CSMD1: variants seen among roughly 807,000 people sequenced by gnomAD.
CSMD1 encodes CUB and Sushi multiple domains 1, also known as CUB and sushi domain-containing protein 1.
In CSMD1, 213 loss-of-function variants were observed where a neutral mutation model predicts 417.5. The ratio of observed to expected loss-of-function variants is 0.51; its 90% confidence interval spans 0.46 to 0.57. CSMD1 has a LOEUF of 0.57. Ranked by LOEUF, CSMD1 falls within the 20% of genes least tolerant of loss-of-function variation. The pLI is 0.00. For missense variants in CSMD1, 6,923 were observed against 4,529.7 expected (o/e 1.53, Z -15.17); for synonymous variants, 2,862 against 1,736.8 (o/e 1.65, Z -16.11).
chr8:4,252,208 C>G (rs185768808), intron 3 of CSMD1, among the ~76,000 whole-genome samples: 2 of 152,216 alleles, frequency 1.3e-5, no homozygotes, highest in Admixed American at 1.3e-4. Flanking sequence ...TAAAACAAGA[C>G]AAAGGTAAAC....
chr8:4,420,725 C>G (rs952026700), intron 2 of CSMD1, among the ~76,000 whole-genome samples: 1 of 152,100 alleles, frequency 6.6e-6, no homozygotes, highest in African/African-American at 2.4e-5. Flanking sequence ...GTGCAATAGG[C>G]TGTGAGCCGT....
intron 20 of CSMD1, among the ~76,000 whole-genome samples, chr8:3,362,962 A>T (rs561248378): frequency 6.6e-6 from 1 of 152,318 alleles, no homozygotes; most frequent in South Asian, 2.1e-4. Flanking sequence ...AAGCTCTTCA[A>T]ATCCATCCAA....
At chr8:4,263,129 T>C (rs574417697) in intron 3 of CSMD1, among the ~76,000 whole-genome samples, 1 of 152,314 alleles carries the variant, frequency 6.6e-6, no homozygotes, top group South Asian at 2.1e-4. Flanking sequence ...GTGATATCAC[T>C]TATTTTTTCA....
intron 5 of CSMD1, among the ~76,000 whole-genome samples, chr8:3,908,913 C>G (rs989213120): frequency 6.6e-6 from 1 of 152,206 alleles, no homozygotes; most frequent in Admixed American, 6.5e-5. Context: ...ACTCATGCAT[C>G]TATCTTGCTT....
chr8:4,596,753 A>T (rs949030446), intron 2 of CSMD1, among the ~76,000 whole-genome samples: 2 of 152,198 alleles, frequency 1.3e-5, no homozygotes, highest in Non-Finnish European at 2.9e-5. Context: ...TACACACATG[A>T]TATGGATTGG....
chr8:3,444,597 G>C (rs1323700773), intron 12 of CSMD1, among the ~76,000 whole-genome samples: 1 of 152,138 alleles, frequency 6.6e-6, no homozygotes. Flanking sequence ...CAAGGCCAAT[G>C]ATGCTCCTAA....
intron 3 of CSMD1, among the ~76,000 whole-genome samples, chr8:4,035,688 C>G (rs531131741): frequency 1.3e-5 from 2 of 152,126 alleles, no homozygotes; most frequent in South Asian, 4.2e-4. Context: ...CACAACTGTG[C>G]AAGGTTTATG....
intron 4 of CSMD1, among the ~76,000 whole-genome samples, chr8:4,013,231 C>T (rs780244119): frequency 2.6e-5 from 4 of 152,122 alleles, no homozygotes; most frequent in Non-Finnish European, 5.9e-5. Context: ...CCTTTCCCCT[C>T]TCCTATCCTC....
intron 26 of CSMD1, among the ~76,000 whole-genome samples, chr8:3,262,818 G>A (rs142191527): frequency 4.6e-5 from 7 of 152,176 alleles, no homozygotes; most frequent in African/African-American, 1.4e-4. Flanking sequence ...TTAAACATAA[G>A]TAAATGAATT....
At chr8:3,508,139 C>G (rs996276205) in intron 10 of CSMD1, among the ~76,000 whole-genome samples, 2 of 152,142 alleles carry the variant, frequency 1.3e-5, no homozygotes, top group South Asian at 2.1e-4. Flanking sequence ...AAACCAAACA[C>G]CACATGTTCT....
intron 15 of CSMD1, among the ~76,000 whole-genome samples, chr8:3,404,020 G>A (rs555203362): frequency 8.5e-5 from 13 of 152,112 alleles, no homozygotes; most frequent in African/African-American, 1.2e-4. Flanking sequence ...TTTTAACAAT[G>A]TATGAAAAGG....
intron 25 of CSMD1, among the ~76,000 whole-genome samples, chr8:3,300,842 C>G (rs761009123): frequency 4.0e-5 from 6 of 151,038 alleles, no homozygotes; most frequent in Admixed American, 6.6e-5. Context: ...GCATGTAATC[C>G]CAGCTACTCA....
In CSMD1 at chr8:4,713,675, C is replaced by A. The variant is rs562726306; in HGVS notation, c.86-76117G>T. Among the ~76,000 whole-genome samples the A allele has an allele frequency of 2.7e-3, 413 of 152,172 alleles. 3 individuals carry two copies. The highest frequency in any genetic ancestry group is 3.4e-3 in the Non-Finnish European group (234 of 68,012). ...TCTCTTAACAAAACAGAGGTCAGGA[C>A]CCAGAGCTCCAGCTGCTCGCCACTG... On this transcript the variant is annotated intron_variant, in intron 1 of 69. Transcript: ENST00000635120.
intron 5 of CSMD1, among the ~76,000 whole-genome samples, chr8:3,921,847 T>C (rs914422006): frequency 6.6e-6 from 1 of 152,094 alleles, no homozygotes; most frequent in Non-Finnish European, 1.5e-5. Context: ...CTTAGAAAAA[T>C]GTATATGCTG....
intron 4 of CSMD1, among the ~76,000 whole-genome samples, chr8:4,002,348 G>A (rs373891877): frequency 3.3e-5 from 5 of 152,098 alleles, no homozygotes; most frequent in Non-Finnish European, 2.9e-5. Flanking sequence ...ATTTTTGTAA[G>A]GGATTTTACT....
chr8:4,321,730 A>C (rs1026745716), intron 3 of CSMD1, among the ~76,000 whole-genome samples: 1 of 152,210 alleles, frequency 6.6e-6, no homozygotes, highest in Non-Finnish European at 1.5e-5. Flanking sequence ...TTTCCAAATT[A>C]TTACTATACG....
At chr8:4,984,955 G>A (rs761644073) in intron 1 of CSMD1, among the ~76,000 whole-genome samples, 24 of 152,104 alleles carry the variant, frequency 1.6e-4, no homozygotes, top group Non-Finnish European at 2.9e-4. Flanking sequence ...AAGTCAAAAT[G>A]GAAACTCCTA....
intron 1 of CSMD1, among the ~76,000 whole-genome samples, chr8:4,929,575 T>G (rs1807099593): frequency 4.6e-5 from 7 of 152,236 alleles, no homozygotes; most frequent in Admixed American, 4.6e-4. Flanking sequence ...AAAGCTAGTC[T>G]CAAGGTGTGT....
chr8:3,903,375 G>T (rs924764867), intron 5 of CSMD1, among the ~76,000 whole-genome samples: 3 of 151,866 alleles, frequency 2.0e-5, no homozygotes, highest in Non-Finnish European at 4.4e-5. Context: ...CAAAACAATT[G>T]CACTATGTCA....
Sources: gnomAD v4.1 joint callset for allele counts (sites outside exome capture counted in the v4.1 genomes callset) on GRCh38, gnomAD v4.1.1 for gene constraint, MANE v1.5 for transcripts, NCBI Gene and HGNC (gene_info 2026-07-23, HGNC 2026-07-21) for gene names.